LOC128125822: variants seen among roughly 807,000 people sequenced by gnomAD.
chr6:63,579,717 A>C, the LOC128125822 span, among the ~76,000 whole-genome samples: 2 of 152,194 alleles, frequency 1.3e-5, no homozygotes, highest in Non-Finnish European at 2.9e-5. Flanking sequence ...AGTGCTGTAG[A>C]ACATGCCTTT....
chr6:63,574,317 C>T, the LOC128125822 span, among the ~76,000 whole-genome samples: 1 of 152,158 alleles, frequency 6.6e-6, no homozygotes, highest in Non-Finnish European at 1.5e-5. Context: ...CTCTTTCCTC[C>T]TCTCCCTTCT....
chr6:63,576,287 A>G, the LOC128125822 span: 1 of 383,246 alleles, frequency 2.6e-6, no homozygotes, highest in Non-Finnish European at 4.6e-6. Context: ...TCACCCCTTG[A>G]GTTTTGCAAT....
chr6:63,578,776 A>C, the LOC128125822 span: 1 of 1,163,670 alleles, frequency 8.6e-7, no homozygotes, highest in Non-Finnish European at 1.1e-6. Context: ...AGGGTTTAAT[A>C]AGATTTGATT....
the LOC128125822 span, chr6:63,582,089 C>CA: frequency 6.6e-6 from 1 of 151,960 alleles, no homozygotes; most frequent in African/African-American, 2.4e-5. Context: ...TTAGACAGGG[C>CA]AAAAGGAAGA....
the LOC128125822 span, chr6:63,582,424 C>G: frequency 6.6e-6 from 1 of 152,426 alleles, no homozygotes; most frequent in African/African-American, 2.4e-5. Context: ...CTTTATAAAC[C>G]TTATCTGTAC....
chr6:63,573,086 G>A, the LOC128125822 span, among the ~76,000 whole-genome samples: 2 of 152,160 alleles, frequency 1.3e-5, no homozygotes, highest in African/African-American at 2.4e-5. Context: ...CTTTGTGACC[G>A]CCGCCTCCGC....
At chr6:63,580,843 CAT>C in the LOC128125822 span, 1 of 152,092 alleles carries the variant, frequency 6.6e-6, no homozygotes, top group African/African-American at 2.4e-5. Flanking sequence ...TACAGAAGCA[CAT>C]GTCTTTAATG....
At chr6:63,576,873 AAATT>A in the LOC128125822 span, 2 of 1,606,426 alleles carry the variant, frequency 1.2e-6, no homozygotes, top group South Asian at 1.1e-5. Context: ...TTTTTTAACT[AAATT>A]AACATGGCTC....
At chr6:63,574,709 T>C in the LOC128125822 span, among the ~76,000 whole-genome samples, 3 of 152,320 alleles carry the variant, frequency 2.0e-5, no homozygotes, top group Middle Eastern at 0.01. Context: ...ACCTAGAAAT[T>C]AGAATACTGT....
the LOC128125822 span, chr6:63,579,393 G>C: frequency 7.8e-7 from 1 of 1,279,382 alleles, no homozygotes; most frequent in Non-Finnish European, 1.1e-6. Context: ...GTGTCAGTGA[G>C]TTTAATAGTC....
chr6:63,577,623 C>T, the LOC128125822 span, among the ~76,000 whole-genome samples: 46 of 152,012 alleles, frequency 3.0e-4, no homozygotes, highest in Non-Finnish European at 8.8e-5. Flanking sequence ...GTGGCATGAT[C>T]TCAGCCCACT....
At chr6:63,576,419 C>T in the LOC128125822 span, 28 of 399,106 alleles carry the variant, frequency 7.0e-5, no homozygotes, top group East Asian at 9.3e-4. Flanking sequence ...CTCTTTCTGT[C>T]TTTTTCTTTT....
chr6:63,574,045 T>G, the LOC128125822 span, among the ~76,000 whole-genome samples: 1 of 152,162 alleles, frequency 6.6e-6, no homozygotes, highest in Non-Finnish European at 1.5e-5. Flanking sequence ...TATTAAGTTA[T>G]TTACACTACG....
At chr6:63,581,591 G>A in the LOC128125822 span, 1 of 152,052 alleles carries the variant, frequency 6.6e-6, no homozygotes, top group Non-Finnish European at 1.5e-5. Flanking sequence ...TAAACTTTTA[G>A]ACAAAATTTG....
At chr6:63,578,851 G>C in the LOC128125822 span, 10 of 1,415,366 alleles carry the variant, frequency 7.1e-6, no homozygotes, top group Admixed American at 1.0e-4. Context: ...TATTACTACA[G>C]TGTTTATATT....
the LOC128125822 span, chr6:63,583,389 A>G: frequency 6.6e-6 from 1 of 152,210 alleles, no homozygotes; most frequent in South Asian, 2.1e-4. Context: ...TTTAAAAGTG[A>G]CATTTAATGT....
At chr6:63,576,100 A>G in the LOC128125822 span, among the ~76,000 whole-genome samples, 1 of 149,920 alleles carries the variant, frequency 6.7e-6, no homozygotes, top group Non-Finnish European at 1.5e-5. Flanking sequence ...TATTATATAT[A>G]GATAGTATAT....
the LOC128125822 span, among the ~76,000 whole-genome samples, chr6:63,576,279 A>T: frequency 6.6e-5 from 10 of 152,060 alleles, no homozygotes; most frequent in Admixed American, 5.2e-4. Flanking sequence ...ATCTGTACTC[A>T]CCCCTTGAGT....
chr6:63,581,856 T>C, the LOC128125822 span: 2 of 152,158 alleles, frequency 1.3e-5, no homozygotes, highest in Admixed American at 1.3e-4. Flanking sequence ...TATTAGTATT[T>C]GGTACATGAA....
Sources: allele counts gnomAD v4.1 joint callset (sites outside exome capture counted in the v4.1 genomes callset), GRCh38; gene constraint gnomAD v4.1.1; transcripts MANE v1.5.